The following CRACD variants were observed in gnomAD, a reference collection of about 807,000 sequenced individuals.
The protein encoded by CRACD is capping protein-inhibiting regulator of actin dynamics.
In CRACD, 56 loss-of-function variants were observed where a neutral mutation model predicts 106.8. The observed-to-expected ratio is 0.52, with a 90% CI of 0.42 to 0.66. The LOEUF (loss-of-function observed/expected upper bound fraction) is 0.66. Ranked by LOEUF, CRACD falls within the 30% of genes least tolerant of loss-of-function variation. The pLI is 0.00. For synonymous variants in CRACD, 754 were observed against 670.8 expected (o/e 1.12, Z -1.92); for missense variants, 1,730 against 1,623.2 (o/e 1.07, Z -1.13).
chr4:56,272,141 A>G (rs1742389161), intron 2 of CRACD, among the ~76,000 whole-genome samples, 180 bp from the exon 3 acceptor site: 1 of 152,210 alleles, frequency 6.6e-6, no homozygotes, highest in African/African-American at 2.4e-5. Flanking sequence ...CTCCCTGTGC[A>G]TGGATCGCGC....
rs528942114 is a variant in CRACD, at chr4:56,180,569, A to G, written c.-189+1139A>G. Among the ~76,000 whole-genome samples, 11 of 152,278 alleles carry G rather than the reference A, an allele frequency of 7.2e-5. No individual in the cohort carries two copies. In the South Asian group the frequency reaches 2.3e-3, roughly 32 times the overall value. Reference sequence around the variant, plus strand: ...CATCATATCATTATTTTGGCTGCAGATATCCGCCACTTACTTTTTGTAAGT... The same window carrying G: ...CATCATATCATTATTTTGGCTGCAGGTATCCGCCACTTACTTTTTGTAAGT... On this transcript the variant is annotated intron_variant, in intron 2 of 10. Transcript: ENST00000682029.
intron 1 of CRACD, among the ~76,000 whole-genome samples, chr4:56,114,680 A>G (rs1255836893): frequency 6.6e-6 from 1 of 152,182 alleles, no homozygotes. Flanking sequence ...AGTTGCTATC[A>G]TTATTAAAAG....
chr4:56,181,186 A>G (rs1444343874), intron 2 of CRACD, among the ~76,000 whole-genome samples: 1 of 152,210 alleles, frequency 6.6e-6, no homozygotes, highest in Non-Finnish European at 1.5e-5. Context: ...AAAGTAGAGC[A>G]AGAGAAGTTG....
At chr4:56,304,421 A>G (rs1446789263) in intron 4 of CRACD, among the ~76,000 whole-genome samples, 2 of 132,106 alleles carry the variant, frequency 1.5e-5, no homozygotes, top group Non-Finnish European at 1.6e-5. Flanking sequence ...ATTTTGCCTT[A>G]TTCTTTTTTT....
intron 1 of CRACD, among the ~76,000 whole-genome samples, chr4:56,141,869 A>G (rs1735213568): frequency 6.6e-6 from 1 of 151,472 alleles, no homozygotes; most frequent in African/African-American, 2.4e-5. Context: ...GTTTAAAAAA[A>G]AATTATAGAG....
At chr4:56,230,731 CA>C (rs1560493588) in intron 2 of CRACD, among the ~76,000 whole-genome samples, 3 of 152,150 alleles carry the variant, frequency 2.0e-5, no homozygotes, top group African/African-American at 7.2e-5. Flanking sequence ...TATAAACTTT[CA>C]AATAAAGGTC....
intron 6 of CRACD, 69 bp downstream of exon 6, chr4:56,310,803 T>A (rs1247340051): frequency 1.1e-6 from 1 of 903,360 alleles, no homozygotes; most frequent in Non-Finnish European, 1.7e-6. Context: ...CCCCCCTTTT[T>A]TTTTTTTGCG....
intron 1 of CRACD, among the ~76,000 whole-genome samples, chr4:56,131,397 C>T (rs1422479758): frequency 6.6e-6 from 1 of 152,152 alleles, no homozygotes; most frequent in Non-Finnish European, 1.5e-5. Flanking sequence ...CCAGTGAGAG[C>T]CAGAGATTGC....
intron 1 of CRACD, among the ~76,000 whole-genome samples, chr4:56,170,853 C>T (rs954096221): frequency 6.6e-6 from 1 of 151,938 alleles, no homozygotes; most frequent in Non-Finnish European, 1.5e-5. Flanking sequence ...AAAACTATTA[C>T]ATGAATAATG....
Position 56,307,644 on chromosome 4 carries a change from G to A in CRACD, c.230G>A (p.Ser77Asn). ...TTAGAAGAGGATCTGTTCCTGACCAGTCCCATGGAAATTGTGACTCAGCAG... is the reference window on the plus strand; with the variant it reads ...TTAGAAGAGGATCTGTTCCTGACCAATCCCATGGAAATTGTGACTCAGCAG... ...ASLEEDLFLT[S>N]PMEIVTQQDI... Residue 77 changes from serine to asparagine, a missense_variant, in exon 5 of 11, where the codon AGT (serine) becomes AAT (asparagine). Physicochemically the swap from Ser to Asn is conservative, Grantham distance 46. Coordinates refer to ENST00000682029, the MANE Select transcript of CRACD (RefSeq NM_001393381.1). The A allele has an allele frequency of 6.2e-7, 1 of 1,614,192 alleles. No individual in the cohort carries two copies.
chr4:56,080,472 T>A (rs1732985405), intron 1 of CRACD, among the ~76,000 whole-genome samples: 1 of 152,240 alleles, frequency 6.6e-6, no homozygotes. Context: ...AGTCCAAAGA[T>A]CAGATGTCAC....
chr4:56,107,917 C>T (rs1367242300), intron 1 of CRACD, among the ~76,000 whole-genome samples: 3 of 152,164 alleles, frequency 2.0e-5, no homozygotes, highest in Admixed American at 6.6e-5. Context: ...ATTTTCATTT[C>T]CTCTTTAACA....
Position 56,231,071 on chromosome 4 carries a change from CAAA to C in CRACD, c.-188-41245_-188-41243del, listed in dbSNP as rs149632401. 7.4e-3 allele frequency among the ~76,000 whole-genome samples: 940 copies of C among 126,880 alleles called. 11 individuals carry two copies. Among genetic ancestry groups the C allele is most frequent in the African/African-American group, 0.029 (900 of 31,572 alleles). The allele number at this position is 126,880 out of a possible 152,430, so 83.2% of individuals were successfully genotyped here. On this transcript the variant is annotated intron_variant, in intron 2 of 10. Coordinates refer to ENST00000682029, the MANE Select transcript of CRACD (RefSeq NM_001393381.1). ...TAAAAAACAAAACAAAACAAACAAACAAAAAAATTGTTAACAAACACTTTACCT... is the reference window on the plus strand; with the variant it reads ...TAAAAAACAAAACAAAACAAACAAACAAAATTGTTAACAAACACTTTACCT...
At chr4:56,272,164 C>T (rs1040533528) in intron 2 of CRACD, among the ~76,000 whole-genome samples, 157 bp from the exon 3 acceptor site, 3 of 152,226 alleles carry the variant, frequency 2.0e-5, no homozygotes, top group Admixed American at 6.5e-5. Context: ...GGGCTGGCGC[C>T]GACATTCCTG....
chr4:56,124,693 A>C (rs1329140018), intron 1 of CRACD, among the ~76,000 whole-genome samples: 2 of 152,176 alleles, frequency 1.3e-5, no homozygotes, highest in African/African-American at 4.8e-5. Flanking sequence ...TTAATCCATA[A>C]ACATTGCCTC....
At chr4:56,268,689 G>A (rs183265800) in intron 2 of CRACD, among the ~76,000 whole-genome samples, 1 of 152,276 alleles carries the variant, frequency 6.6e-6, no homozygotes, top group Admixed American at 6.5e-5. Context: ...AATTAATACA[G>A]CAGTCATTGC....
At chr4:56,106,372 G>C (rs1224320328) in intron 1 of CRACD, among the ~76,000 whole-genome samples, 1 of 152,176 alleles carries the variant, frequency 6.6e-6, no homozygotes, top group Non-Finnish European at 1.5e-5. Flanking sequence ...CTCCAGTGTT[G>C]ATCCTACGCT....
chr4:56,163,388 G>T (rs1178320206), intron 1 of CRACD, among the ~76,000 whole-genome samples: 1 of 151,860 alleles, frequency 6.6e-6, no homozygotes, highest in Non-Finnish European at 1.5e-5. Context: ...AAAATATTTT[G>T]ATTTACTCAG....
intron 5 of CRACD, 68 bp downstream of exon 5, chr4:56,307,767 C>T: frequency 6.6e-7 from 1 of 1,520,138 alleles, no homozygotes; most frequent in South Asian, 1.2e-5. Flanking sequence ...CTCCAGTAAC[C>T]CTGGGGTCTG....
Sources: gnomAD v4.1 joint callset for allele counts (sites outside exome capture counted in the v4.1 genomes callset) on GRCh38, gnomAD v4.1.1 for gene constraint, MANE v1.5 for transcripts, NCBI Gene and HGNC (gene_info 2026-07-23, HGNC 2026-07-21) for gene names.